NARS2: variants seen among roughly 807,000 people sequenced by gnomAD.
The protein encoded by NARS2 is asparaginyl-tRNA synthetase.
NARS2 carries 60 observed loss-of-function variants against 62.9 expected under a neutral mutation model. That is an observed-to-expected ratio of 0.95 (90% CI 0.77 to 1.18). The LOEUF is 1.18. NARS2 is among the 50% of genes most tolerant of loss of function. The pLI is 0.00. For synonymous variants in NARS2, 196 were observed against 200.0 expected (o/e 0.98, Z 0.17); for missense variants, 619 against 576.4 (o/e 1.07, Z -0.76).
intron 13 of NARS2, among the ~76,000 whole-genome samples, chr11:78,440,615 C>T (rs1857547710): frequency 6.6e-6 from 1 of 152,040 alleles, no homozygotes; most frequent in Admixed American, 6.5e-5. Context: ...TCACTGCAAC[C>T]TCTGCCTCCC....
At chr11:78,520,885 G>A (rs962162890) in intron 6 of NARS2, among the ~76,000 whole-genome samples, 1 of 151,838 alleles carries the variant, frequency 6.6e-6, no homozygotes, top group Non-Finnish European at 1.5e-5. Context: ...ATGAAACCCC[G>A]TCTCTGCTAA....
At chr11:78,548,846 G>A (rs997539615) in intron 5 of NARS2, among the ~76,000 whole-genome samples, 5 of 152,080 alleles carry the variant, frequency 3.3e-5, no homozygotes, top group African/African-American at 1.2e-4. Context: ...ATCGTCTTAA[G>A]GGTATACAGC....
chr11:78,513,347 T>C (rs1222585151), intron 6 of NARS2, among the ~76,000 whole-genome samples: 1 of 10,964 alleles, frequency 9.1e-5, no homozygotes, highest in African/African-American at 2.0e-4. Context: ...TCACTCTTTC[T>C]TTTTTTTTTT....
intron 11 of NARS2, 143 bp from the exon 12 acceptor site, chr11:78,443,901 T>C (rs1857661020): frequency 3.3e-6 from 2 of 597,266 alleles, no homozygotes; most frequent in Non-Finnish European, 5.9e-6. Flanking sequence ...AAATTATAAG[T>C]GGACAATTTC....
chr11:78,544,781 G>A (rs1471599910), intron 5 of NARS2, among the ~76,000 whole-genome samples: 13 of 124,532 alleles, frequency 1.0e-4, no homozygotes, highest in East Asian at 4.7e-4. Flanking sequence ...GCGATAGAGC[G>A]AGACTCCGTC....
At chr11:78,571,279 A>G in intron 2 of NARS2, 56 bp downstream of exon 2, 1 of 1,077,714 alleles carries the variant, frequency 9.3e-7, no homozygotes, top group Non-Finnish European at 1.4e-6. Flanking sequence ...GGGAAGTGAG[A>G]AGCACTAGAG....
At chr11:78,437,974 C>CAAAA (rs11380903) in intron 13 of NARS2, among the ~76,000 whole-genome samples, 1 of 116,624 alleles carries the variant, frequency 8.6e-6, no homozygotes, top group African/African-American at 3.3e-5. Flanking sequence ...GATTCTGTAT[C>CAAAA]AAAAAAAAAA....
intron 6 of NARS2, among the ~76,000 whole-genome samples, chr11:78,501,445 T>C (rs1429097557): frequency 2.6e-5 from 4 of 152,206 alleles, no homozygotes; most frequent in African/African-American, 9.6e-5. Context: ...CCCAGAGATA[T>C]CCAGACCATA....
At chr11:78,506,072 T>A (rs766959993) in intron 6 of NARS2, among the ~76,000 whole-genome samples, 1 of 152,042 alleles carries the variant, frequency 6.6e-6, no homozygotes, top group Non-Finnish European at 1.5e-5. Flanking sequence ...AAACAAGATA[T>A]ATGAACAGCC....
chr11:78,515,541 C>G (rs780489554), intron 6 of NARS2, among the ~76,000 whole-genome samples: 2 of 152,114 alleles, frequency 1.3e-5, no homozygotes, highest in Non-Finnish European at 2.9e-5. Context: ...TTTTAAGAGA[C>G]AGGGTCTGGT....
chr11:78,491,070 A>G (rs1432227316), intron 7 of NARS2, among the ~76,000 whole-genome samples: 1 of 152,238 alleles, frequency 6.6e-6, no homozygotes, highest in Non-Finnish European at 1.5e-5. Flanking sequence ...GGATGGGCTC[A>G]AGTGAAAGCT....
intron 11 of NARS2, among the ~76,000 whole-genome samples, chr11:78,455,701 C>T (rs186784401): frequency 1.3e-5 from 2 of 152,154 alleles, no homozygotes; most frequent in East Asian, 3.9e-4. Flanking sequence ...CCCACACAAA[C>T]TCTTCACTCC....
chr11:78,563,829 C>CAAAAAAA (rs1167838676), intron 4 of NARS2, among the ~76,000 whole-genome samples: 8 of 14,120 alleles, frequency 5.7e-4, no homozygotes, highest in African/African-American at 2.1e-3. Flanking sequence ...AACTCTGTAT[C>CAAAAAAA]AAAAAAAAAA....
At chr11:78,521,277 G>T (rs1861110955) in intron 6 of NARS2, among the ~76,000 whole-genome samples, 1 of 150,940 alleles carries the variant, frequency 6.6e-6, no homozygotes, top group Non-Finnish European at 1.5e-5. Context: ...CAATCTTCTT[G>T]CCTTACTCTC....
intron 6 of NARS2, among the ~76,000 whole-genome samples, chr11:78,506,419 A>G (rs746670529): frequency 2.6e-5 from 4 of 152,212 alleles, no homozygotes; most frequent in Non-Finnish European, 4.4e-5. Flanking sequence ...CACACGCAGG[A>G]AACAACTAAG....
intron 6 of NARS2, among the ~76,000 whole-genome samples, chr11:78,495,321 C>T (rs923357738): frequency 2.0e-5 from 3 of 152,194 alleles, no homozygotes; most frequent in African/African-American, 7.2e-5. Flanking sequence ...TGTATTGCCT[C>T]CTCCCCTGCT....
At chr11:78,444,279 A>T (rs1857675120) in intron 11 of NARS2, among the ~76,000 whole-genome samples, 1 of 152,124 alleles carries the variant, frequency 6.6e-6, no homozygotes, top group Admixed American at 6.5e-5. Flanking sequence ...TAAGGTGTGT[A>T]TATTTTTGTC....
intron 6 of NARS2, among the ~76,000 whole-genome samples, chr11:78,495,744 C>A (rs1352043898): frequency 6.6e-6 from 1 of 152,142 alleles, no homozygotes; most frequent in Non-Finnish European, 1.5e-5. Context: ...GTCAAACAAT[C>A]CAGGTCTGGC....
chr11:78,539,037 G>A (rs1855507941), intron 5 of NARS2, among the ~76,000 whole-genome samples: 1 of 133,976 alleles, frequency 7.5e-6, no homozygotes, highest in Non-Finnish European at 1.5e-5. Context: ...GATGAGGTTA[G>A]ACAGGTAGGC....
Sources: allele counts gnomAD v4.1 joint callset (sites outside exome capture counted in the v4.1 genomes callset), GRCh38; gene constraint gnomAD v4.1.1; transcripts MANE v1.5; gene names NCBI Gene and HGNC (gene_info 2026-07-23, HGNC 2026-07-21).